Variants in CSF2RB observed in about 807,000 individuals in gnomAD.
CSF2RB encodes the protein colony stimulating factor 2 receptor subunit beta, also known as cytokine receptor common subunit beta.
Under a neutral mutation model 67.2 loss-of-function variants are expected in CSF2RB, and 22 were observed. The observed-to-expected ratio is 0.33, with a 90% CI of 0.23 to 0.47. CSF2RB has a LOEUF of 0.47. Among genes scored for constraint, CSF2RB ranks in the 20% least tolerant of loss-of-function variants. CSF2RB has a pLI of 1.00. For synonymous variants in CSF2RB, 507 were observed against 482.9 expected (o/e 1.05, Z -0.65); for missense variants, 1,113 against 1,174.5 (o/e 0.95, Z 0.76).
At chr22:36,918,363 T>C (rs1294012152) in intron 1 of CSF2RB, among the ~76,000 whole-genome samples, 1 of 152,228 alleles carries the variant, frequency 6.6e-6, no homozygotes, top group Non-Finnish European at 1.5e-5. Flanking sequence ...TCAGAGTCTC[T>C]TATGTGAAAT....
chr22:36,937,269 A>T lies in CSF2RB; in HGVS notation c.1569-108A>T. The T allele has an allele frequency of 7.4e-7, 1 of 1,357,712 alleles. No individual in the cohort carries two copies. Among genetic ancestry groups the T allele is most frequent in the Non-Finnish European group, 1.0e-6 (1 of 970,576 alleles). The allele number at this position is 1,357,712 out of a possible 1,614,324, so 84.1% of individuals were successfully genotyped here. ...AGGTTCTCTCTGTGAGATCTGGGGG[A>T]CATCAGGGCTTCCAGAGAACCATCT... On this transcript the variant is annotated intron_variant, in intron 13 of 13. Coordinates refer to ENST00000403662, the MANE Select transcript of CSF2RB (RefSeq NM_000395.3). The surrounding 1 kb of genome is among the most constrained non-coding windows in gnomAD (Gnocchi z 4.6).
rs1220073647 is a variant in CSF2RB at position 36,936,580 on chromosome 22, G to A, written c.1496G>A (p.Ser499Asn). The A allele has an allele frequency of 6.2e-7, 1 of 1,613,250 alleles. No individual in the cohort carries two copies. The highest frequency in any genetic ancestry group is 1.3e-5 in the African/African-American group (1 of 74,914). ...NGSAELWPPGSMSAFTSGSPP... is the reference protein window; with the variant it reads ...NGSAELWPPGNMSAFTSGSPP... ...AGCGCAGAGCTTTGGCCCCCAGGCA[G>A]CATGTCGGCCTTCACTAGCGGGAGT... The change falls in exon 13 of 14, where the codon AGC becomes AAC. Residue 499 changes from serine to asparagine, a missense_variant. Physicochemically the swap from Ser to Asn is conservative, Grantham distance 46. Around this residue, in one of 2 missense-constraint regions of CSF2RB, gnomAD observed 554 missense variants for 517.9 expected, o/e 1.07. Coordinates refer to ENST00000403662, the MANE Select transcript of CSF2RB (RefSeq NM_000395.3).
At chr22:36,935,956 C>T (rs539077427) in intron 12 of CSF2RB, among the ~76,000 whole-genome samples, 1 of 120,512 alleles carries the variant, frequency 8.3e-6, no homozygotes, top group South Asian at 2.7e-4. Context: ...AGGGTGGGCT[C>T]ACAGAGGGGG....
intron 4 of CSF2RB, among the ~76,000 whole-genome samples, chr22:36,928,137 G>T (rs1941065077): frequency 6.6e-6 from 1 of 152,144 alleles, no homozygotes; most frequent in Non-Finnish European, 1.5e-5. Flanking sequence ...AAGGATGCTG[G>T]GAGGTACTGG....
At chr22:36,917,566 G>C (rs1940749605) in intron 1 of CSF2RB, among the ~76,000 whole-genome samples, 1 of 151,986 alleles carries the variant, frequency 6.6e-6, no homozygotes, top group Non-Finnish European at 1.5e-5. Flanking sequence ...CTGTCCCCAT[G>C]CTTACTCTTC....
chr22:36,922,271 G>A lies in CSF2RB; in HGVS notation c.64G>A (p.Ala22Thr). 1 of 1,577,150 alleles carries A rather than the reference G, an allele frequency of 6.3e-7. No individual in the cohort carries two copies. The highest frequency in any genetic ancestry group is 8.6e-7 in the Non-Finnish European group (1 of 1,161,576). Residue 22 changes from alanine to threonine, a missense_variant, in exon 2 of 14, where the codon GCA becomes ACA. Around this residue, in one of 2 missense-constraint regions of CSF2RB, gnomAD observed 559 missense variants for 656.5 expected, o/e 0.85. Coordinates refer to ENST00000403662, the MANE Select transcript of CSF2RB (RefSeq NM_000395.3). ...LLALCWERSL[A>T]GAEETIPLQT... is the part of the protein sequence containing the mutation. ...GGCCCTGTGCTGGGAGCGCAGCCTGGCAGGGGCAGAAGGTGAGTCCCGTGG... is the reference window on the plus strand; with the variant it reads ...GGCCCTGTGCTGGGAGCGCAGCCTGACAGGGGCAGAAGGTGAGTCCCGTGG...
Position 36,926,192 on chromosome 22 carries a change from G to A in CSF2RB, c.391+15G>A. On this transcript the variant is annotated intron_variant, in intron 4 of 13. Transcript: ENST00000403662. ...GACCCAGCATGGTGAGGGGCTGGGG[G>A]CCCTGCCCGGGGCTTGGTTTCCTGT... 1.2e-6 allele frequency: 2 copies of A among 1,612,916 alleles called. No homozygotes were observed. Among genetic ancestry groups the A allele is most frequent in the East Asian group, 2.2e-5 (1 of 44,888 alleles).
intron 3 of CSF2RB, among the ~76,000 whole-genome samples, chr22:36,924,678 T>C (rs752627481): frequency 6.6e-6 from 1 of 152,152 alleles, no homozygotes; most frequent in African/African-American, 2.4e-5. Flanking sequence ...TCAGCAAATG[T>C]CCCAGGGAGC....
Position 36,937,527 on chromosome 22 carries a change from G to T in CSF2RB, c.1719G>T (p.Pro573=). ...TEQPPSPQPG[P]PAASHTPEKQ... ...AGCCCCCCAGCCCCCAGCCAGGCCC[G>T]CCTGCCGCCTCCCACACACCTGAGA... is the stretch of plus-strand genomic sequence containing the variant. Residue 573 remains proline, a synonymous_variant, in exon 14 of 14, where the codon CCG becomes CCT. Transcript: ENST00000403662. This position sits in a 1 kb window ranked among gnomAD's most constrained non-coding sequence, Gnocchi z 4.6. 6.2e-7 allele frequency: 1 copy of T among 1,613,688 alleles called. No individual in the cohort carries two copies. The highest frequency in any genetic ancestry group is 8.5e-7 in the Non-Finnish European group (1 of 1,179,866).
chr22:36,934,068 T>G, intron 10 of CSF2RB, 74 bp downstream of exon 10: 1 of 1,577,360 alleles, frequency 6.3e-7, no homozygotes, highest in East Asian at 2.3e-5. Flanking sequence ...AAATCCCCAA[T>G]GCAGCAGCCG....
intron 4 of CSF2RB, among the ~76,000 whole-genome samples, chr22:36,928,932 G>A (rs1374507760): frequency 6.6e-6 from 1 of 152,178 alleles, no homozygotes; most frequent in Non-Finnish European, 1.5e-5. Context: ...GAGGGATTCC[G>A]CCTGGAGATG....
chr22:36,922,296 G>A lies in CSF2RB; in HGVS notation c.76+13G>A. ...GCAGGGGCAGAAGGTGAGTCCCGTG[G>A]CTCCCACCCACTTCCCTGTCCCTGT... On this transcript the variant is annotated intron_variant, in intron 2 of 13. Transcript: ENST00000403662. 1 of 1,566,598 alleles carries A rather than the reference G, an allele frequency of 6.4e-7. No individual in the cohort carries two copies. Among genetic ancestry groups the A allele is most frequent in the Non-Finnish European group, 8.7e-7 (1 of 1,155,632 alleles).
chr22:36,922,720 G>A (rs1940906710), intron 2 of CSF2RB: 2 of 304,386 alleles, frequency 6.6e-6, no homozygotes, highest in South Asian at 3.6e-5. Context: ...GGATGCTCCT[G>A]GGCTCTTGAG....
At position 36,926,023 on chromosome 22, in the gene CSF2RB, T is replaced by A. The variant is rs1316802584; in HGVS notation, c.237T>A (p.Asp79Glu). ...AGCCAGTGTCCTGTGACCTCAGTGA[T>A]GACATGCCCTGGTCAGCCTGCCCCC... ...LLEPVSCDLSDDMPWSACPHP... is the reference protein window; with the variant it reads ...LLEPVSCDLSEDMPWSACPHP... Residue 79 changes from aspartate to glutamate, a missense_variant, in exon 4 of 14, where the codon GAT becomes GAA. Physicochemically the swap from Asp to Glu is conservative, Grantham distance 45. This residue lies in a region of CSF2RB where 559 missense variants were observed against 656.5 expected (regional missense o/e 0.85). Coordinates refer to ENST00000403662, the MANE Select transcript of CSF2RB (RefSeq NM_000395.3). 6 of 1,614,110 alleles carry A rather than the reference T, an allele frequency of 3.7e-6. No homozygotes were observed. Among genetic ancestry groups the A allele is most frequent in the Non-Finnish European group, 5.1e-6 (6 of 1,180,050 alleles).
intron 1 of CSF2RB, among the ~76,000 whole-genome samples, chr22:36,914,735 G>A (rs960358702): frequency 6.6e-6 from 1 of 151,924 alleles, no homozygotes; most frequent in African/African-American, 2.4e-5. Context: ...CATCTTTCCT[G>A]CTTTGTAATC....
rs1406309816 is a variant in CSF2RB, at chr22:36,937,671, A to C, written c.1863A>C (p.Pro621=). The stretch of plus-strand genomic sequence containing the variant: ...AGGAGGGTGGGAGCCAGAAGTCCCC[A>C]CCTCCAGGGTCCCTGGAGTACCTGT... ...PPQEGGSQKS[P]PPGSLEYLCL... Residue 621 remains proline (P), a synonymous_variant, in exon 14 of 14, where the codon CCA becomes CCC. Transcript: ENST00000403662. The surrounding 1 kb of genome is among the most constrained non-coding windows in gnomAD (Gnocchi z 4.6). The C allele has an allele frequency of 6.4e-7, 1 of 1,553,896 alleles. No individual in the cohort carries two copies. Among genetic ancestry groups the C allele is most frequent in the Non-Finnish European group, 8.7e-7 (1 of 1,148,400 alleles).
intron 9 of CSF2RB, among the ~76,000 whole-genome samples, chr22:36,933,316 G>T (rs375175096): frequency 6.6e-6 from 1 of 152,288 alleles, no homozygotes; most frequent in Non-Finnish European, 1.5e-5. Context: ...CCCAGGCCAG[G>T]GCTCGGTCCC....
chr22:36,935,844 A>G (rs955275984), intron 12 of CSF2RB, among the ~76,000 whole-genome samples, 157 bp downstream of exon 12: 1 of 152,054 alleles, frequency 6.6e-6, no homozygotes, highest in African/African-American at 2.4e-5. Context: ...AGCACTTGGA[A>G]ATTCATTCCC....
chr22:36,929,570 CG>C lies in CSF2RB; in HGVS notation c.549+13del. ...CAGGACTCTTGGGAGGTAGGAACCA[CG>C]GCCAGCTCTGCCCCAGCCCGAAGGG... On this transcript the variant is annotated intron_variant, in intron 5 of 13. Transcript: ENST00000403662. 1 of 1,614,174 alleles carries C rather than the reference CG, an allele frequency of 6.2e-7. No individual in the cohort carries two copies. Among genetic ancestry groups the C allele is most frequent in the Non-Finnish European group, 8.5e-7 (1 of 1,180,018 alleles).
Sources: gnomAD v4.1 joint callset for allele counts (sites outside exome capture counted in the v4.1 genomes callset) on GRCh38, gnomAD v4.1.1 for gene constraint, gnomAD v4.1.1 regional missense constraint, Gnocchi (gnomAD v3.1) non-coding constraint, MANE v1.5 for transcripts, NCBI Gene and HGNC (gene_info 2026-07-23, HGNC 2026-07-21) for gene names.